The following MAF variants were observed in gnomAD, a reference collection of about 807,000 sequenced individuals.
The protein encoded by MAF is transcription factor Maf.
A neutral mutation model predicts 22.0 loss-of-function variants in MAF; 10 were observed. That is an observed-to-expected ratio of 0.45 (90% confidence interval 0.28 to 0.77). The LOEUF (loss-of-function observed/expected upper bound fraction) is 0.77, where lower values mean the gene tolerates loss of function less well. Among genes scored for constraint, MAF ranks in the 30% least tolerant of loss-of-function variants. The pLI is 0.12. For missense variants in MAF, 544 were observed against 548.4 expected (o/e 0.99, Z 0.08); for synonymous variants, 337 against 255.8 (o/e 1.32, Z -3.03).
chr16:79,312,110 C>G, the MAF span, among the ~76,000 whole-genome samples: 52 of 152,256 alleles, frequency 3.4e-4, 1 homozygote, highest in African/African-American at 1.3e-3. Flanking sequence ...ATCTTCTCTT[C>G]TACCCCCTTC....
chr16:79,491,217 A>C, the MAF span, among the ~76,000 whole-genome samples: 2 of 152,196 alleles, frequency 1.3e-5, no homozygotes, highest in Non-Finnish European at 2.9e-5. Flanking sequence ...AGTGAGGACC[A>C]GACTCAAAGG....
chr16:79,546,187 G>T, the MAF span, among the ~76,000 whole-genome samples: 2 of 152,100 alleles, frequency 1.3e-5, no homozygotes, highest in South Asian at 2.1e-4. Flanking sequence ...GGACAAAAAA[G>T]TTCTATCATT....
the MAF span, among the ~76,000 whole-genome samples, chr16:79,351,176 G>C: frequency 6.6e-6 from 1 of 152,094 alleles, no homozygotes; most frequent in East Asian, 1.9e-4. Context: ...TTCTCTTTTT[G>C]CATTTGGAAA....
the MAF span, among the ~76,000 whole-genome samples, chr16:79,436,903 T>TAAGACA: frequency 9.8e-5 from 15 of 152,340 alleles, no homozygotes; most frequent in African/African-American, 3.4e-4. Context: ...GGCTTTTGAC[T>TAAGACA]GTCTTGGGCA....
the MAF span, among the ~76,000 whole-genome samples, chr16:79,389,131 T>G: frequency 6.6e-6 from 1 of 152,202 alleles, no homozygotes; most frequent in Non-Finnish European, 1.5e-5. Flanking sequence ...ACAGACTCAG[T>G]CAACCTCTTG....
At chr16:79,410,329 A>G in the MAF span, among the ~76,000 whole-genome samples, 1 of 152,220 alleles carries the variant, frequency 6.6e-6, no homozygotes. Flanking sequence ...AAACTCCTTT[A>G]AATTTAATTC....
chr16:79,333,681 A>C, the MAF span, among the ~76,000 whole-genome samples: 1 of 152,238 alleles, frequency 6.6e-6, no homozygotes, highest in African/African-American at 2.4e-5. Flanking sequence ...GCTGGATCCC[A>C]ACATCTCTCC....
chr16:79,300,944 G>A, the MAF span, among the ~76,000 whole-genome samples: 4 of 151,992 alleles, frequency 2.6e-5, no homozygotes, highest in Admixed American at 2.6e-4. Flanking sequence ...AACACATGAA[G>A]AGGAGAAGAA....
the MAF span, among the ~76,000 whole-genome samples, chr16:79,440,899 TG>T: frequency 6.6e-6 from 1 of 152,244 alleles, no homozygotes; most frequent in South Asian, 2.1e-4. Flanking sequence ...AGGAAAAAGC[TG>T]TGCACACTTC....
chr16:79,431,168 C>T, the MAF span, among the ~76,000 whole-genome samples: 1 of 152,116 alleles, frequency 6.6e-6, no homozygotes, highest in Non-Finnish European at 1.5e-5. Flanking sequence ...TCACCCCATC[C>T]CTCAACCAAG....
chr16:79,520,563 C>T, the MAF span, among the ~76,000 whole-genome samples: 1 of 152,140 alleles, frequency 6.6e-6, no homozygotes, highest in Non-Finnish European at 1.5e-5. Context: ...AATATGGCTT[C>T]TCTTATTTAC....
chr16:79,240,780 C>G, the MAF span, among the ~76,000 whole-genome samples: 3 of 151,936 alleles, frequency 2.0e-5, no homozygotes, highest in Non-Finnish European at 4.4e-5. Context: ...CCAATGGACA[C>G]CTCATACAAG....
rs1244757572 is a variant in MAF, at chr16:79,599,159, C to T, written c.744G>A (p.Pro248=). 10 of 1,527,066 alleles carry T rather than the reference C, an allele frequency of 6.5e-6. No homozygotes were observed. The South Asian group carries it at 1.1e-4, about 16-fold the overall frequency. 94.6% of individuals were successfully genotyped at this position (1,527,066 alleles called of 1,614,324 possible). ...GAAGAGGALH[P]HHAAGGLHFD... ...AGTGCAGGCCGCCGGCGGCGTGGTG[C>T]GGGTGCAGGGCGCCCCCCGCCCCCG... Residue 248 remains proline (P), a synonymous_variant, in exon 1 of 2, where the codon CCG becomes CCA. Transcript: ENST00000326043.
At chr16:79,340,734 A>C in the MAF span, among the ~76,000 whole-genome samples, 1 of 152,106 alleles carries the variant, frequency 6.6e-6, no homozygotes, top group East Asian at 2.0e-4. Flanking sequence ...TTGACCTCCT[A>C]GATGCCAGTA....
At chr16:79,400,263 G>C in the MAF span, among the ~76,000 whole-genome samples, 1 of 152,330 alleles carries the variant, frequency 6.6e-6, no homozygotes, top group South Asian at 2.1e-4. Flanking sequence ...ACATCCCTTT[G>C]TGGCTTGGGG....
At chr16:79,504,863 C>T in the MAF span, among the ~76,000 whole-genome samples, 371 of 152,308 alleles carry the variant, frequency 2.4e-3, 1 homozygote, top group South Asian at 0.02. Context: ...AAGACTATGA[C>T]TTGTATGAAT....
the MAF span, among the ~76,000 whole-genome samples, chr16:79,481,735 T>C: frequency 6.6e-6 from 1 of 152,152 alleles, no homozygotes; most frequent in Non-Finnish European, 1.5e-5. Context: ...TATACATCCA[T>C]GCAGGTACTC....
chr16:79,371,705 C>T, the MAF span, among the ~76,000 whole-genome samples: 3 of 152,196 alleles, frequency 2.0e-5, no homozygotes, highest in African/African-American at 7.2e-5. Context: ...GTCCTGTCTC[C>T]CTCTTTGCTA....
chr16:79,233,951 A>T, the MAF span, among the ~76,000 whole-genome samples: 10,838 of 151,294 alleles, frequency 0.072, 573 homozygotes, highest in Middle Eastern at 0.14. Flanking sequence ...GAGATCACTC[A>T]ACTGCACTCC....
Sources: gnomAD v4.1 joint callset for allele counts (sites outside exome capture counted in the v4.1 genomes callset) on GRCh38, gnomAD v4.1.1 for gene constraint, MANE v1.5 for transcripts, NCBI Gene and HGNC (gene_info 2026-07-23, HGNC 2026-07-21) for gene names.